MPP7: variants seen among roughly 807,000 people sequenced by gnomAD.
MPP7 encodes MAGUK p55 scaffold protein 7.
MPP7 carries 60 observed loss-of-function variants against 76.5 expected under a neutral mutation model. The observed-to-expected ratio is 0.78, with a 90% CI of 0.64 to 0.97. The LOEUF is 0.97. MPP7 is among the 50% of genes least tolerant of loss of function. The pLI, the probability that MPP7 is intolerant of heterozygous loss-of-function variation, is 0.00. For synonymous variants in MPP7, 237 were observed against 244.5 expected (o/e 0.97, Z 0.29); for missense variants, 641 against 694.0 (o/e 0.92, Z 0.86).
chr10:28,081,925 GTATT>G (rs1159991643), intron 12 of MPP7, among the ~76,000 whole-genome samples: 1 of 151,978 alleles, frequency 6.6e-6, no homozygotes, highest in Non-Finnish European at 1.5e-5. Context: ...GCTAATTTTT[GTATT>G]TTTAGTAGAG....
In MPP7 at chr10:28,259,601, A is replaced by G. The variant is rs1300322315; in HGVS notation, c.-131-20866T>C. 2.1e-5 allele frequency among the ~76,000 whole-genome samples: 3 copies of G among 142,636 alleles called. No individual in the cohort carries two copies. In the East Asian group the frequency reaches 7.0e-4, roughly 33 times the overall value. The allele number at this position is 142,636 out of a possible 152,430, so 93.6% of individuals were successfully genotyped here. A position where few individuals can be genotyped will look rare whatever the true frequency, so the allele number is the denominator to read the frequency against. On this transcript the variant is annotated intron_variant, in intron 1 of 16. Coordinates refer to ENST00000683449, the MANE Select transcript of MPP7 (RefSeq NM_001318170.2). ...GACTCCATCAAAAAGAAAAAGAAAA[A>G]GATGAGGGGAGGGGGAGGGGAGAGA...
chr10:28,262,834 T>C (rs1454916891), intron 1 of MPP7, among the ~76,000 whole-genome samples: 1 of 152,050 alleles, frequency 6.6e-6, no homozygotes, highest in Non-Finnish European at 1.5e-5. Context: ...GGTGGGCAGA[T>C]CATTTGAGGT....
chr10:28,175,432 T>A (rs754643978), intron 3 of MPP7, among the ~76,000 whole-genome samples: 2 of 94,038 alleles, frequency 2.1e-5, no homozygotes, highest in African/African-American at 8.0e-5. Context: ...ATTTTGGGGT[T>A]CTGCAGGAAT....
In MPP7 at chr10:28,052,327, T is replaced by C. The variant is rs1221345434; in HGVS notation, c.*1738A>G. ...CAGGTTGGCAACCCTCCCTCTTTCA[T>C]TTTTTAAAAACAAAATTTTTTGCTA... On this transcript the variant is annotated 3_prime_UTR_variant, in exon 17 of 17. Transcript: ENST00000683449. 1 of 152,154 alleles carries C rather than the reference T, an allele frequency of 6.6e-6. No homozygotes were observed. Among genetic ancestry groups the C allele is most frequent in the African/African-American group, 2.4e-5 (1 of 41,458 alleles). 9.4% of individuals were successfully genotyped at this position (152,154 alleles called of 1,614,324 possible). A position where few individuals can be genotyped will look rare whatever the true frequency, so the allele number is the denominator to read the frequency against.
chr10:28,188,229 C>T lies in MPP7; in HGVS notation c.156+13924G>A, dbSNP rs78246783. Among the ~76,000 whole-genome samples the T allele has an allele frequency of 1.1e-3, 166 of 152,094 alleles. 2 individuals carry two copies. The East Asian group carries it at 0.022, about 21-fold the overall frequency. ...TTCTCCTAGGTGACTAATATGCCCG[C>T]GACTTCATAGGTTTCATTAAAAACA... On this transcript the variant is annotated intron_variant, in intron 3 of 16. Coordinates refer to ENST00000683449, the MANE Select transcript of MPP7 (RefSeq NM_001318170.2).
intron 11 of MPP7, among the ~76,000 whole-genome samples, chr10:28,096,407 G>A (rs1006066747): frequency 6.6e-6 from 1 of 152,058 alleles, no homozygotes; most frequent in African/African-American, 2.4e-5. Flanking sequence ...GGAGTTGAGG[G>A]TATTTTTTTC....
intron 11 of MPP7, among the ~76,000 whole-genome samples, chr10:28,105,266 T>G (rs983928723): frequency 6.7e-6 from 1 of 149,860 alleles, no homozygotes; most frequent in Non-Finnish European, 1.5e-5. Flanking sequence ...CATCAGCCCT[T>G]GAAGAAACAT....
intron 3 of MPP7, among the ~76,000 whole-genome samples, chr10:28,193,269 G>A (rs1837470330): frequency 6.7e-6 from 1 of 149,736 alleles, no homozygotes; most frequent in Non-Finnish European, 1.5e-5. Flanking sequence ...CTGGAGTGCA[G>A]TGGCACGATC....
intron 11 of MPP7, among the ~76,000 whole-genome samples, chr10:28,094,191 A>G (rs544158880): frequency 3.3e-5 from 5 of 152,190 alleles, no homozygotes; most frequent in Admixed American, 6.6e-5. Context: ...CAATCAATTC[A>G]CACAGGTTAT....
At chr10:28,303,822 C>T (rs972047933), upstream of MPP7, among the ~76,000 whole-genome samples, 1 of 152,136 alleles carries the variant, frequency 6.6e-6, no homozygotes, top group Non-Finnish European at 1.5e-5. Flanking sequence ...GGTATCAGCG[C>T]CCTTCAGCTC....
At chr10:28,290,285 C>CT (rs1840885701) in intron 1 of MPP7, among the ~76,000 whole-genome samples, 1 of 140,984 alleles carries the variant, frequency 7.1e-6, no homozygotes, top group African/African-American at 2.7e-5. Flanking sequence ...TTTTTACTTT[C>CT]CTTTTTTTTT....
chr10:28,260,682 G>A (rs569364711), intron 1 of MPP7, among the ~76,000 whole-genome samples: 1 of 144,562 alleles, frequency 6.9e-6, no homozygotes, highest in African/African-American at 2.6e-5. Flanking sequence ...TGAGACAGGA[G>A]AATCGCTCGA....
chr10:28,141,270 TATTAA>T lies in MPP7; in HGVS notation c.315+6208_315+6212del, dbSNP rs142414540. ...AGAAACCAGCCACAAACATCATACT[TATTAA>T]TAACAGGAAGCACAGAAGTATCCCC... On this transcript the variant is annotated intron_variant, in intron 5 of 16. Coordinates refer to ENST00000683449, the MANE Select transcript of MPP7 (RefSeq NM_001318170.2). 5.9e-3 allele frequency among the ~76,000 whole-genome samples: 903 copies of T among 152,130 alleles called. 10 individuals are homozygous for T. Among genetic ancestry groups the T allele is most frequent in the African/African-American group, 0.02 (827 of 41,524 alleles).
chr10:28,161,356 C>T (rs1031655606), intron 3 of MPP7, among the ~76,000 whole-genome samples: 1 of 151,586 alleles, frequency 6.6e-6, no homozygotes, highest in Non-Finnish European at 1.5e-5. Flanking sequence ...CTCCCACCCC[C>T]CGCAGGTTTT....
At chr10:28,188,530 T>G (rs1300818625) in intron 3 of MPP7, among the ~76,000 whole-genome samples, 1 of 152,118 alleles carries the variant, frequency 6.6e-6, no homozygotes, top group Non-Finnish European at 1.5e-5. Flanking sequence ...AGATTAATCA[T>G]AACATTATCA....
intron 2 of MPP7, among the ~76,000 whole-genome samples, chr10:28,327,231 TAA>T (rs59442840): frequency 1.2e-3 from 117 of 95,740 alleles, no homozygotes; most frequent in East Asian, 9.1e-3. Flanking sequence ...GTCAAAGAAG[TAA>T]AAAAAAAAAA....
At chr10:28,315,322 AAG>A (rs1367243385) in intron 2 of MPP7, among the ~76,000 whole-genome samples, 3 of 144,146 alleles carry the variant, frequency 2.1e-5, no homozygotes, top group Admixed American at 6.9e-5. Context: ...GAAGGAAGGA[AAG>A]AGAGGGAAAG....
chr10:28,225,956 C>T (rs531337939), intron 2 of MPP7, among the ~76,000 whole-genome samples: 13 of 152,246 alleles, frequency 8.5e-5, no homozygotes, highest in South Asian at 4.1e-4. Flanking sequence ...TGCAGCATTA[C>T]GCACAATAGC....
intron 3 of MPP7, among the ~76,000 whole-genome samples, chr10:28,197,449 C>G (rs1837624585): frequency 6.6e-6 from 1 of 152,156 alleles, no homozygotes; most frequent in African/African-American, 2.4e-5. Flanking sequence ...TCCCAAAGTG[C>G]TGGGATTACA....
Sources: gnomAD v4.1 joint callset for allele counts (sites outside exome capture counted in the v4.1 genomes callset) on GRCh38, gnomAD v4.1.1 for gene constraint, MANE v1.5 for transcripts, NCBI Gene and HGNC (gene_info 2026-07-23, HGNC 2026-07-21) for gene names.